ZNG1F: variants seen among roughly 807,000 people sequenced by gnomAD.
ZNG1F encodes zinc-regulated GTPase metalloprotein activator 1F.
the ZNG1F span, among the ~76,000 whole-genome samples, chr9:41,139,672 A>T: frequency 6.6e-6 from 1 of 151,856 alleles, no homozygotes; most frequent in South Asian, 2.1e-4. Context: ...TGAGACTTTT[A>T]AAAGTACTTA....
chr9:41,164,675 G>A, the ZNG1F span: 17 of 144,914 alleles, frequency 1.2e-4, no homozygotes, highest in South Asian at 4.1e-3. Context: ...ATGCATCCAT[G>A]GGAAAGTGAA....
the ZNG1F span, chr9:41,145,456 C>T: frequency 4.5e-6 from 2 of 442,542 alleles, no homozygotes; most frequent in East Asian, 4.0e-5. Flanking sequence ...TTCTGTAATT[C>T]CAATTTTACA....
At chr9:41,151,657 C>G in the ZNG1F span, among the ~76,000 whole-genome samples, 256 of 144,028 alleles carry the variant, frequency 1.8e-3, no homozygotes, top group South Asian at 3.4e-3. Flanking sequence ...GATCTCTTGG[C>G]AGAAACTCTA....
the ZNG1F span, among the ~76,000 whole-genome samples, chr9:41,159,235 TA>T: frequency 6.7e-6 from 1 of 149,580 alleles, no homozygotes; most frequent in African/African-American, 2.5e-5. Flanking sequence ...AAGTATCCAG[TA>T]TCTACAATGC....
the ZNG1F span, among the ~76,000 whole-genome samples, chr9:41,155,079 G>A: frequency 6.0e-5 from 9 of 150,692 alleles, no homozygotes; most frequent in African/African-American, 2.0e-4. Context: ...CCTACAAAAT[G>A]GGAGAAAATT....
At chr9:41,134,603 A>AC in the ZNG1F span, among the ~76,000 whole-genome samples, 10 of 86,210 alleles carry the variant, frequency 1.2e-4, no homozygotes, top group African/African-American at 3.5e-4. Context: ...AAAAACATAC[A>AC]CCCCACCTTG....
At chr9:41,155,214 C>T in the ZNG1F span, among the ~76,000 whole-genome samples, 1 of 151,152 alleles carries the variant, frequency 6.6e-6, no homozygotes, top group Non-Finnish European at 1.5e-5. Flanking sequence ...AGACACTTCT[C>T]AAAAGAAGAC....
the ZNG1F span, chr9:41,145,582 T>A: frequency 1.2e-5 from 4 of 339,834 alleles, no homozygotes; most frequent in Non-Finnish European, 2.1e-5. Context: ...GAAAAACTAG[T>A]CTTTTAGCAA....
chr9:41,150,469 C>G, the ZNG1F span, among the ~76,000 whole-genome samples: 1 of 118,586 alleles, frequency 8.4e-6, no homozygotes, highest in South Asian at 3.2e-4. Flanking sequence ...GTGGAGCCCA[C>G]CACAGCTCAA....
chr9:41,157,459 C>T, the ZNG1F span: 1 of 137,292 alleles, frequency 7.3e-6, no homozygotes, highest in Non-Finnish European at 1.6e-5. Flanking sequence ...GAGACTCCGC[C>T]TCAAAAGAAA....
the ZNG1F span, among the ~76,000 whole-genome samples, chr9:41,139,269 G>A: frequency 0.015 from 2,184 of 142,902 alleles, 97 homozygotes; most frequent in African/African-American, 0.054. Context: ...CACCCAGCAA[G>A]TCTACCAGGC....
the ZNG1F span, chr9:41,158,798 C>A: frequency 1.0e-5 from 1 of 99,566 alleles, no homozygotes; most frequent in Admixed American, 1.2e-4. Context: ...AACTAATTTC[C>A]ATGGCATCAA....
chr9:41,150,396 A>T, the ZNG1F span, among the ~76,000 whole-genome samples: 1 of 144,062 alleles, frequency 6.9e-6, no homozygotes, highest in Non-Finnish European at 1.5e-5. Flanking sequence ...AGGCTGGGGG[A>T]GGGGCGCCCG....
chr9:41,180,691 C>CGT, the ZNG1F span, among the ~76,000 whole-genome samples: 106 of 112,576 alleles, frequency 9.4e-4, no homozygotes, highest in Non-Finnish European at 1.1e-3. Flanking sequence ...TGTGCATGTG[C>CGT]GTGTGTGTGT....
chr9:41,155,159 A>G, the ZNG1F span, among the ~76,000 whole-genome samples: 1 of 151,486 alleles, frequency 6.6e-6, no homozygotes, highest in Non-Finnish European at 1.5e-5. Flanking sequence ...AATTTACAAG[A>G]AAAAAGCAAA....
At chr9:41,150,902 TA>T in the ZNG1F span, among the ~76,000 whole-genome samples, 1 of 146,772 alleles carries the variant, frequency 6.8e-6, no homozygotes, top group Non-Finnish European at 1.5e-5. Context: ...CGGGAAACTC[TA>T]AAAAGCAGAG....
chr9:41,185,675 A>AAAAAT, the ZNG1F span, among the ~76,000 whole-genome samples: 2 of 151,750 alleles, frequency 1.3e-5, no homozygotes, highest in Non-Finnish European at 2.9e-5. Context: ...CCATCTCAAA[A>AAAAAT]AAAATAAAAT....
the ZNG1F span, among the ~76,000 whole-genome samples, chr9:41,201,994 T>C: frequency 1.6e-5 from 2 of 125,594 alleles, no homozygotes; most frequent in African/African-American, 2.9e-5. Flanking sequence ...ACTACATTCT[T>C]TAAAGTTAAG....
At chr9:41,159,188 C>G in the ZNG1F span, among the ~76,000 whole-genome samples, 1 of 150,728 alleles carries the variant, frequency 6.6e-6, no homozygotes, top group Non-Finnish European at 1.5e-5. Flanking sequence ...TCTTCAAACT[C>G]CAGTGAGTCT....
Sources: gnomAD v4.1 joint callset for allele counts (sites outside exome capture counted in the v4.1 genomes callset) on GRCh38, gnomAD v4.1.1 for gene constraint, MANE v1.5 for transcripts, NCBI Gene and HGNC (gene_info 2026-07-23, HGNC 2026-07-21) for gene names.